Variants in GALNT17 observed in about 807,000 individuals in gnomAD.
The protein encoded by GALNT17 is UDP-GalNAc:polypeptide N-acetylgalactosaminyltransferase-like 3.
GALNT17 carries 29 observed loss-of-function variants against 63.7 expected under a neutral mutation model. The observed-to-expected ratio is 0.46, with a 90% CI of 0.34 to 0.62. GALNT17 has a LOEUF of 0.62. Among genes scored for constraint, GALNT17 ranks in the 20% least tolerant of loss-of-function variants. GALNT17 has a pLI of 0.01. For synonymous variants in GALNT17, 305 were observed against 318.3 expected, an observed-to-expected ratio of 0.96 and a Z score of 0.45; for missense variants, 603 against 799.6, an observed-to-expected ratio of 0.75 and a Z score of 2.97.
rs540057895 is a variant in GALNT17, at chr7:71,474,293, T to C, written c.962+53188T>C. Among the ~76,000 whole-genome samples the C allele has an allele frequency of 5.8e-4, 89 of 152,294 alleles. 1 individual carries two copies. The Middle Eastern group carries it at 0.01, about 17-fold the overall frequency. On this transcript the variant is annotated intron_variant, in intron 5 of 10. Transcript: ENST00000333538. ...GCAAGGCTTCTTTACCGCAGCCTGT[T>C]TTATCAGCAAAATTTTTTTTGACCT... is the stretch of plus-strand genomic sequence containing the variant.
At chr7:71,319,094 T>TTTTCTTTC (rs372024382) in intron 1 of GALNT17, among the ~76,000 whole-genome samples, 2 of 49,168 alleles carry the variant, frequency 4.1e-5, no homozygotes, top group African/African-American at 1.0e-4. Flanking sequence ...CTATTTTTGT[T>TTTTCTTTC]TATCTTTCTT....
intron 5 of GALNT17, among the ~76,000 whole-genome samples, chr7:71,437,102 G>T (rs578209345): frequency 6.6e-6 from 1 of 152,108 alleles, no homozygotes; most frequent in Non-Finnish European, 1.5e-5. Flanking sequence ...GGTAATTACC[G>T]TTGCTGACCC....
In GALNT17 at chr7:71,156,954, T is replaced by G. The variant is rs543390401; in HGVS notation, c.238+23914T>G. On this transcript the variant is annotated intron_variant, in intron 1 of 10. Coordinates refer to ENST00000333538, the MANE Select transcript of GALNT17 (RefSeq NM_022479.3). ...AATATATTTTATTTATGTATTTATTTTGTTTATTTATTTATTTATAGAGAT... is the reference window on the plus strand; with the variant it reads ...AATATATTTTATTTATGTATTTATTGTGTTTATTTATTTATTTATAGAGAT... Among the ~76,000 whole-genome samples the G allele has an allele frequency of 4.5e-4, 68 of 151,692 alleles. 1 individual carries two copies. The highest frequency in any genetic ancestry group is 1.6e-3 in the African/African-American group (67 of 41,156).
chr7:71,228,305 T>C (rs1034636876), intron 1 of GALNT17, among the ~76,000 whole-genome samples: 2 of 152,184 alleles, frequency 1.3e-5, no homozygotes, highest in African/African-American at 2.4e-5. Context: ...TGGTTCCATC[T>C]GGGACCTGTG....
intron 5 of GALNT17, among the ~76,000 whole-genome samples, chr7:71,472,232 C>T (rs759849895): frequency 4.6e-5 from 7 of 152,060 alleles, no homozygotes; most frequent in Non-Finnish European, 8.8e-5. Flanking sequence ...CATCACTTCC[C>T]GAAGGCTCCA....
At chr7:71,427,083 CTT>C (rs879851559) in intron 5 of GALNT17, among the ~76,000 whole-genome samples, 12 of 140,172 alleles carry the variant, frequency 8.6e-5, no homozygotes, top group Middle Eastern at 3.3e-3. Context: ...TTCATTTACT[CTT>C]TTTTTTTTTT....
At chr7:71,463,390 A>G (rs774697365) in intron 5 of GALNT17, among the ~76,000 whole-genome samples, 17 of 152,132 alleles carry the variant, frequency 1.1e-4, no homozygotes, top group Non-Finnish European at 2.4e-4. Flanking sequence ...TTTCAGCAAC[A>G]AGGAAGTGGG....
intron 5 of GALNT17, among the ~76,000 whole-genome samples, chr7:71,448,056 A>G (rs997834803): frequency 5.9e-5 from 9 of 151,852 alleles, no homozygotes; most frequent in Non-Finnish European, 8.8e-5. Flanking sequence ...TAGTGCTTGT[A>G]TGTGTAAAAA....
chr7:71,474,558 C>T (rs745504283), intron 5 of GALNT17, among the ~76,000 whole-genome samples: 3 of 152,076 alleles, frequency 2.0e-5, no homozygotes, highest in Non-Finnish European at 4.4e-5. Context: ...AAATGAGGAA[C>T]ATATTTTATT....
chr7:71,249,374 C>A (rs1790156881), intron 1 of GALNT17, among the ~76,000 whole-genome samples: 1 of 152,134 alleles, frequency 6.6e-6, no homozygotes, highest in African/African-American at 2.4e-5. Flanking sequence ...TGATCTCTCA[C>A]CTTTTTTGGA....
chr7:71,251,944 T>C (rs559884082), intron 1 of GALNT17, among the ~76,000 whole-genome samples: 28 of 152,262 alleles, frequency 1.8e-4, no homozygotes, highest in African/African-American at 5.1e-4. Context: ...ATAAGATCTG[T>C]ACAGTCACTA....
chr7:71,388,103 T>C (rs1792980052), intron 2 of GALNT17, 132 bp from the exon 3 acceptor site: 1 of 919,282 alleles, frequency 1.1e-6, no homozygotes, highest in East Asian at 2.5e-5. Context: ...AGGAGAAGCC[T>C]AAGGGAACCA....
intron 1 of GALNT17, among the ~76,000 whole-genome samples, chr7:71,326,609 T>G (rs1223758420): frequency 1.3e-5 from 2 of 152,264 alleles, no homozygotes; most frequent in South Asian, 2.1e-4. Flanking sequence ...TTCTTCTTAC[T>G]GGTTAAAGTT....
chr7:71,531,934 T>A (rs898258395), intron 5 of GALNT17, among the ~76,000 whole-genome samples: 11 of 152,144 alleles, frequency 7.2e-5, no homozygotes, highest in African/African-American at 2.2e-4. Flanking sequence ...GGAAGCAGCT[T>A]CCAATCCCTA....
At chr7:71,550,463 C>T (rs1344682814) in intron 5 of GALNT17, among the ~76,000 whole-genome samples, 1 of 152,090 alleles carries the variant, frequency 6.6e-6, no homozygotes, top group African/African-American at 2.4e-5. Context: ...TCACTGCAAC[C>T]TCTGCCTCCC....
chr7:71,455,084 C>T (rs1295734019), intron 5 of GALNT17, among the ~76,000 whole-genome samples: 1 of 151,608 alleles, frequency 6.6e-6, no homozygotes, highest in Non-Finnish European at 1.5e-5. Context: ...GGGCCCATTA[C>T]ATGAGCCTGG....
chr7:71,668,296 C>G (rs1791015364), intron 7 of GALNT17, among the ~76,000 whole-genome samples: 1 of 152,006 alleles, frequency 6.6e-6, no homozygotes, highest in South Asian at 2.1e-4. Context: ...GCGGGCAGAT[C>G]ACCTGAGGTT....
Position 71,209,145 on chromosome 7 carries a change from G to A in GALNT17, c.238+76105G>A, listed in dbSNP as rs528098642. Among the ~76,000 whole-genome samples the A allele has an allele frequency of 6.6e-5, 10 of 152,332 alleles. No individual in the cohort carries two copies. The South Asian group carries it at 1.9e-3, about 28-fold the overall frequency. ...CATTTGAATTTTATGTAATTTCCAT[G>A]TGTTGCAAAATATCATTCTTCTCTG... is the stretch of plus-strand genomic sequence containing the variant. On this transcript the variant is annotated intron_variant, in intron 1 of 10. Coordinates refer to ENST00000333538, the MANE Select transcript of GALNT17 (RefSeq NM_022479.3).
intron 5 of GALNT17, among the ~76,000 whole-genome samples, chr7:71,510,007 C>G (rs1788329732): frequency 6.6e-6 from 1 of 151,916 alleles, no homozygotes; most frequent in Non-Finnish European, 1.5e-5. Context: ...TACAGTGGTG[C>G]AATCATAGCT....
Sources: gnomAD v4.1 joint callset for allele counts (sites outside exome capture counted in the v4.1 genomes callset) on GRCh38, gnomAD v4.1.1 for gene constraint, MANE v1.5 for transcripts, NCBI Gene and HGNC (gene_info 2026-07-23, HGNC 2026-07-21) for gene names.